The following PCDHGA4 variants were observed in gnomAD, a reference collection of about 807,000 sequenced individuals.
PCDHGA4 encodes the protein protocadherin gamma-A4.
PCDHGA4 carries 38 observed loss-of-function variants against 54.6 expected under a neutral mutation model. The observed-to-expected ratio is 0.70, with a 90% CI of 0.54 to 0.91. The LOEUF (loss-of-function observed/expected upper bound fraction) is 0.91, where lower values mean the gene tolerates loss of function less well. Ranked by LOEUF, PCDHGA4 falls within the 40% of genes least tolerant of loss-of-function variation. The probability of loss-of-function intolerance (pLI) is 0.00; values close to 1 mark genes in which losing one functional copy is unlikely to be tolerated. For missense variants in PCDHGA4, 1,298 were observed against 1,220.9 expected (o/e 1.06, Z -0.94); for synonymous variants, 511 against 512.9 (o/e 1.00, Z 0.05).
intron 1 of PCDHGA4, chr5:141,419,504 C>T (rs577411043): frequency 4.7e-5 from 75 of 1,612,298 alleles, no homozygotes; most frequent in South Asian, 2.7e-4. Flanking sequence ...TGTGAGCCTG[C>T]GCGTGTTGGT....
intron 1 of PCDHGA4, chr5:141,414,836 T>C: frequency 6.2e-7 from 1 of 1,614,222 alleles, no homozygotes; most frequent in Non-Finnish European, 8.5e-7. Context: ...TCGTTGAGCC[T>C]GTTTGTGCTG....
intron 1 of PCDHGA4, chr5:141,385,199 A>C (rs1185520352): frequency 6.2e-7 from 1 of 1,614,064 alleles, no homozygotes; most frequent in African/African-American, 1.3e-5. Flanking sequence ...CGGAAGAGTC[A>C]CCTGATCTTC....
At chr5:141,421,418 G>A (rs771088122) in intron 1 of PCDHGA4, 1 of 1,614,086 alleles carries the variant, frequency 6.2e-7, no homozygotes, top group Admixed American at 1.7e-5. Flanking sequence ...GCGAAGCGCG[G>A]AGTCCGCATC....
At chr5:141,442,694 C>A (rs549307212) in intron 1 of PCDHGA4, among the ~76,000 whole-genome samples, 22 of 152,304 alleles carry the variant, frequency 1.4e-4, no homozygotes, top group Non-Finnish European at 3.1e-4. Flanking sequence ...GTCAGGCAGA[C>A]AAGAGTATCA....
intron 1 of PCDHGA4, chr5:141,371,953 T>G: frequency 6.2e-7 from 1 of 1,613,260 alleles, no homozygotes; most frequent in South Asian, 1.1e-5. Context: ...CAGCGAGCCT[T>G]CGACCACGAG....
At chr5:141,428,400 G>C (rs373595231) in intron 1 of PCDHGA4, 4 of 483,290 alleles carry the variant, frequency 8.3e-6, no homozygotes, top group African/African-American at 2.0e-5. Flanking sequence ...CCTCTGCCTG[G>C]GGTTGCTTTC....
intron 1 of PCDHGA4, chr5:141,376,920 C>T (rs527270477): frequency 5.8e-6 from 1 of 173,470 alleles, no homozygotes; most frequent in Admixed American, 5.6e-5. Flanking sequence ...ATCTCCTGAC[C>T]TCATGATCCA....
intron 1 of PCDHGA4, chr5:141,389,455 G>A (rs1345301697): frequency 6.2e-7 from 1 of 1,613,044 alleles, no homozygotes; most frequent in Admixed American, 1.7e-5. Context: ...GAGCAGCTGC[G>A]CGCCTTCGAA....
chr5:141,409,143 G>C (rs778597273), intron 1 of PCDHGA4: 2 of 1,613,986 alleles, frequency 1.2e-6, no homozygotes, highest in Admixed American at 3.3e-5. Context: ...GATGTAGAAA[G>C]GTACACCATG....
chr5:141,400,023 C>A (rs755667675), intron 1 of PCDHGA4: 38 of 1,612,754 alleles, frequency 2.4e-5, no homozygotes, highest in Non-Finnish European at 3.2e-5. Flanking sequence ...GCGACAGGGA[C>A]GCGGCCCGCC....
At position 141,487,741 on chromosome 5, in the gene PCDHGA4, A is replaced by C. The variant is rs773413559; in HGVS notation, c.2515-7066A>C. 1.6e-4 allele frequency: 247 copies of C among 1,561,638 alleles called. 1 individual carries two copies. The highest frequency in any genetic ancestry group is 2.1e-4 in the Non-Finnish European group (244 of 1,151,698). On this transcript the variant is annotated intron_variant, in intron 1 of 3. Coordinates refer to ENST00000571252, the MANE Select transcript of PCDHGA4 (RefSeq NM_018917.4). This position sits in a 1 kb window ranked among gnomAD's most constrained non-coding sequence, Gnocchi z 5.0. ...ATAGTGATGTCACCATTTTTGTAAG[A>C]GGTAACTATGTGGTAGACGCTGTGC... is the stretch of plus-strand genomic sequence containing the variant.
chr5:141,365,586 A>G lies in PCDHGA4; in HGVS notation c.2514+7965A>G, dbSNP rs757726887. 5 of 1,613,564 alleles carry G rather than the reference A, an allele frequency of 3.1e-6. No individual in the cohort carries two copies. In the Admixed American group the frequency reaches 6.7e-5, roughly 22 times the overall value. On this transcript the variant is annotated intron_variant, in intron 1 of 3. Transcript: ENST00000571252. ...GACAGAGAAGAGACTTCAGATTATA[A>G]TATCACTTTAACCGTCATGGACCAT... is the stretch of plus-strand genomic sequence containing the variant.
At chr5:141,376,366 A>G in intron 1 of PCDHGA4, 12 of 1,614,204 alleles carry the variant, frequency 7.4e-6, no homozygotes, top group South Asian at 1.1e-5. Flanking sequence ...CACTCACTGC[A>G]GACTCGCGTA....
chr5:141,394,374 G>C, intron 1 of PCDHGA4: 6 of 1,614,172 alleles, frequency 3.7e-6, no homozygotes, highest in Non-Finnish European at 5.1e-6. Context: ...GCAATCTTTC[G>C]ACTATGAGCA....
chr5:141,412,569 T>C (rs1469611879), intron 1 of PCDHGA4: 3 of 152,228 alleles, frequency 2.0e-5, no homozygotes, highest in Admixed American at 6.5e-5. Flanking sequence ...GTTTATTTAA[T>C]ATAATCTTTG....
chr5:141,361,737 C>G, intron 1 of PCDHGA4: 1 of 1,613,162 alleles, frequency 6.2e-7, no homozygotes, highest in Non-Finnish European at 8.5e-7. Flanking sequence ...CACTGCAGGC[C>G]CGCGACCAGG....
chr5:141,384,300 A>G, intron 1 of PCDHGA4: 1 of 1,613,776 alleles, frequency 6.2e-7, no homozygotes, highest in South Asian at 1.1e-5. Context: ...ACAACCCCAG[A>G]GGGGCCTCCA....
intron 3 of PCDHGA4, among the ~76,000 whole-genome samples, chr5:141,508,646 G>A (rs1434098773): frequency 2.6e-5 from 4 of 152,014 alleles, no homozygotes; most frequent in African/African-American, 9.7e-5. Flanking sequence ...ACTCCGTCAG[G>A]CCCTTCCTGT....
In PCDHGA4 at chr5:141,477,696, A is replaced by T. The variant is rs778604051; in HGVS notation, c.2515-17111A>T. The T allele has an allele frequency of 2.1e-5, 34 of 1,614,054 alleles. No individual in the cohort carries two copies. Among genetic ancestry groups the T allele is most frequent in the Non-Finnish European group, 2.9e-5 (34 of 1,180,044 alleles). On this transcript the variant is annotated intron_variant, in intron 1 of 3. Transcript: ENST00000571252. This position sits in a 1 kb window ranked among gnomAD's most constrained non-coding sequence, Gnocchi z 4.9. ...GTGTCATCCTTAGTGCCCCTAGACT[A>T]TGAGGATCGGCGGGAATTTGAATTA...
Sources: allele counts gnomAD v4.1 joint callset (sites outside exome capture counted in the v4.1 genomes callset), GRCh38; gene constraint gnomAD v4.1.1; non-coding constraint Gnocchi (gnomAD v3.1); transcripts MANE v1.5; gene names NCBI Gene and HGNC (gene_info 2026-07-23, HGNC 2026-07-21).